LIN9: variants seen among roughly 807,000 people sequenced by gnomAD.
The protein encoded by LIN9 is lin-9 DREAM MuvB core complex component.
Under a neutral mutation model 78.0 loss-of-function variants are expected in LIN9, and 18 were observed. The ratio of observed to expected loss-of-function variants is 0.23; its 90% confidence interval spans 0.16 to 0.34. LIN9 has a LOEUF of 0.34. Among genes scored for constraint, LIN9 ranks in the 10% least tolerant of loss-of-function variants. The pLI, the probability that LIN9 is intolerant of heterozygous loss-of-function variation, is 1.00. For synonymous variants in LIN9, 192 were observed against 215.2 expected, an observed-to-expected ratio of 0.89 and a Z score of 0.94; for missense variants, 451 against 644.1, an observed-to-expected ratio of 0.70 and a Z score of 3.25.
At chr1:226,262,437 A>G (rs1190591796) in intron 10 of LIN9, among the ~76,000 whole-genome samples, 1 of 152,256 alleles carries the variant, frequency 6.6e-6, no homozygotes, top group African/African-American at 2.4e-5. Flanking sequence ...CAACAATAAG[A>G]AAACAAACAA....
At chr1:226,304,889 T>C (rs1449053991) in intron 1 of LIN9, among the ~76,000 whole-genome samples, 1 of 152,032 alleles carries the variant, frequency 6.6e-6, no homozygotes, top group Non-Finnish European at 1.5e-5. Flanking sequence ...TACATAGTAA[T>C]ACAAAAAGAT....
At chr1:226,242,146 CA>C (rs1393060018) in intron 11 of LIN9, among the ~76,000 whole-genome samples, 1 of 152,066 alleles carries the variant, frequency 6.6e-6, no homozygotes, top group Non-Finnish European at 1.5e-5. Flanking sequence ...AAGAGAAAGA[CA>C]AATGGAGGGA....
chr1:226,250,193 G>T (rs561903904), intron 11 of LIN9, among the ~76,000 whole-genome samples: 2 of 151,194 alleles, frequency 1.3e-5, no homozygotes, highest in East Asian at 3.9e-4. Context: ...AAAGACTTCT[G>T]GTAATTATCT....
At chr1:226,245,745 G>T (rs922955656) in intron 11 of LIN9, among the ~76,000 whole-genome samples, 2 of 151,930 alleles carry the variant, frequency 1.3e-5, no homozygotes, top group Admixed American at 1.3e-4. Flanking sequence ...TTATAGCTGT[G>T]TGCCACCACG....
At chr1:226,262,535 A>G (rs2102900537) in intron 10 of LIN9, among the ~76,000 whole-genome samples, 1 of 152,372 alleles carries the variant, frequency 6.6e-6, no homozygotes, top group Non-Finnish European at 1.5e-5. Context: ...AAAGATGGTC[A>G]ATGAGGAAAT....
At chr1:226,281,866 G>A (rs1661085923) in intron 6 of LIN9, among the ~76,000 whole-genome samples, 1 of 151,806 alleles carries the variant, frequency 6.6e-6, no homozygotes, top group Admixed American at 6.6e-5. Flanking sequence ...GCTAATTTTT[G>A]TGTTTTTAGT....
chr1:226,273,646 A>G (rs563715738), intron 7 of LIN9, among the ~76,000 whole-genome samples: 1 of 152,028 alleles, frequency 6.6e-6, no homozygotes, highest in South Asian at 2.1e-4. Flanking sequence ...CAGTTCCCAA[A>G]CCAGCAGCAT....
intron 7 of LIN9, among the ~76,000 whole-genome samples, chr1:226,271,045 T>C (rs1480191709): frequency 6.6e-6 from 1 of 152,212 alleles, no homozygotes; most frequent in African/African-American, 2.4e-5. Context: ...TTATAATTTC[T>C]TAACAAATCA....
chr1:226,294,615 G>A (rs138418932), intron 4 of LIN9, among the ~76,000 whole-genome samples: 1 of 151,702 alleles, frequency 6.6e-6, no homozygotes, highest in African/African-American at 2.4e-5. Context: ...CTAAATTCTT[G>A]GTTGAGAATA....
In LIN9 at chr1:226,268,040, C is replaced by G; in HGVS notation, c.733G>C (p.Val245Leu). The change falls in exon 8 of 15, where the codon GTG becomes CTG. Residue 245 changes from valine (V) to leucine (L), a missense_variant. Coordinates refer to ENST00000681046, the MANE Select transcript of LIN9 (RefSeq NM_001366245.2). ...CTATAAGTAGCATTAAGAGTATCCACAGCATCTATTTGTCCAGTGAACAAA... is the reference window on the plus strand; with the variant it reads ...CTATAAGTAGCATTAAGAGTATCCAGAGCATCTATTTGTCCAGTGAACAAA... The part of the protein sequence containing the change: ...DGLFTGQIDA[V>L]DTLNATYRVT... The G allele has an allele frequency of 6.2e-7, 1 of 1,614,036 alleles. No individual in the cohort carries two copies. The highest frequency in any genetic ancestry group is 1.3e-5 in the African/African-American group (1 of 75,042).
intron 10 of LIN9, among the ~76,000 whole-genome samples, chr1:226,252,676 A>C (rs1350587509): frequency 6.6e-6 from 1 of 152,120 alleles, no homozygotes; most frequent in Non-Finnish European, 1.5e-5. Context: ...ACGTTGCTTA[A>C]AAAAAAGAAA....
At chr1:226,279,166 A>G (rs1008118950) in intron 6 of LIN9, among the ~76,000 whole-genome samples, 4 of 150,644 alleles carry the variant, frequency 2.7e-5, no homozygotes, top group East Asian at 1.9e-4. Context: ...GTCTTGGGGG[A>G]AAAAAAAATT....
At chr1:226,303,222 A>G (rs1055494389) in intron 1 of LIN9, among the ~76,000 whole-genome samples, 4 of 152,254 alleles carry the variant, frequency 2.6e-5, no homozygotes, top group Admixed American at 6.5e-5. Flanking sequence ...CTGAATATGT[A>G]GAGTACTGAT....
intron 8 of LIN9, 126 bp downstream of exon 8, chr1:226,267,831 C>T (rs1660030027): frequency 2.0e-6 from 2 of 977,220 alleles, no homozygotes; most frequent in Non-Finnish European, 3.0e-6. Flanking sequence ...GGGCTGGGGT[C>T]CCCTAAGGAT....
intron 12 of LIN9, among the ~76,000 whole-genome samples, chr1:226,236,607 C>G (rs1402183510): frequency 2.6e-5 from 4 of 152,150 alleles, no homozygotes; most frequent in African/African-American, 9.7e-5. Flanking sequence ...AGGCGCCCGC[C>G]ACCACGCCCA....
intron 11 of LIN9, among the ~76,000 whole-genome samples, chr1:226,250,107 T>C (rs1576290431): frequency 6.6e-6 from 1 of 151,124 alleles, no homozygotes; most frequent in Non-Finnish European, 1.5e-5. Context: ...GAGGTGGAGG[T>C]TGCAGTGAGC....
intron 7 of LIN9, among the ~76,000 whole-genome samples, chr1:226,274,884 TATTTAC>T (rs1358159960): frequency 1.3e-5 from 2 of 152,228 alleles, no homozygotes; most frequent in East Asian, 1.9e-4. Context: ...ATTATATTTA[TATTTAC>T]ATTTAAGTTC....
chr1:226,232,226 T>C lies in LIN9; in HGVS notation c.*275A>G. On this transcript the variant is annotated 3_prime_UTR_variant, in exon 15 of 15. Transcript: ENST00000681046. ...CAATGTATTCTTCCACGAAATTATA[T>C]TATGTTCAGATATTTCAGTTTAAAA... 2.5e-6 allele frequency: 1 copy of C among 402,340 alleles called. No homozygotes were observed. The highest frequency in any genetic ancestry group is 4.4e-6 in the Non-Finnish European group (1 of 228,300). The allele number at this position is 402,340 out of a possible 1,614,324, so 24.9% of individuals were successfully genotyped here. A position where few individuals can be genotyped will look rare whatever the true frequency, so the allele number is the denominator to read the frequency against.
At chr1:226,297,362 CTTTT>C in intron 3 of LIN9, among the ~76,000 whole-genome samples, 1 of 151,652 alleles carries the variant, frequency 6.6e-6, no homozygotes, top group Non-Finnish European at 1.5e-5. Flanking sequence ...ACAATGATTT[CTTTT>C]TTTTTCTTTT....
Sources: allele counts gnomAD v4.1 joint callset (sites outside exome capture counted in the v4.1 genomes callset), GRCh38; gene constraint gnomAD v4.1.1; transcripts MANE v1.5; gene names NCBI Gene and HGNC (gene_info 2026-07-23, HGNC 2026-07-21).